OSBPL10: variants seen among roughly 807,000 people sequenced by gnomAD.
The protein encoded by OSBPL10 is oxysterol binding protein like 10.
In OSBPL10, 49 loss-of-function variants were observed where a neutral mutation model predicts 81.7. The ratio of observed to expected loss-of-function variants is 0.60; its 90% confidence interval spans 0.48 to 0.76. OSBPL10 has a LOEUF of 0.76. OSBPL10 is among the 30% of genes least tolerant of loss of function. The pLI is 0.00. For missense variants in OSBPL10, 923 were observed against 987.8 expected, an observed-to-expected ratio of 0.93 and a Z score of 0.88; for synonymous variants, 419 against 383.6, an observed-to-expected ratio of 1.09 and a Z score of -1.08.
intron 6 of OSBPL10, among the ~76,000 whole-genome samples, chr3:31,731,518 T>C (rs1696971786): frequency 1.3e-5 from 2 of 151,426 alleles, no homozygotes; most frequent in South Asian, 4.2e-4. Flanking sequence ...AGATGGTGTC[T>C]CGTTCTGTTG....
intron 1 of OSBPL10, among the ~76,000 whole-genome samples, chr3:32,056,005 G>C (rs986414944): frequency 1.3e-5 from 2 of 152,150 alleles, no homozygotes; most frequent in African/African-American, 4.8e-5. Flanking sequence ...ATTAAAAAGA[G>C]CCTATGTGAC....
intron 7 of OSBPL10, among the ~76,000 whole-genome samples, chr3:31,687,112 C>T (rs1700812456): frequency 6.6e-6 from 1 of 152,190 alleles, no homozygotes; most frequent in Non-Finnish European, 1.5e-5. Flanking sequence ...CCAAGTGACT[C>T]CGTCTCCTGC....
At chr3:32,030,983 T>C (rs1003783049) in intron 2 of OSBPL10, among the ~76,000 whole-genome samples, 2 of 152,098 alleles carry the variant, frequency 1.3e-5, no homozygotes, top group East Asian at 3.9e-4. Flanking sequence ...CTGCCTAACA[T>C]GGTAAAACCT....
intron 1 of OSBPL10, among the ~76,000 whole-genome samples, chr3:31,961,477 T>C (rs905342065): frequency 6.6e-6 from 1 of 152,194 alleles, no homozygotes; most frequent in African/African-American, 2.4e-5. Context: ...AACTCTATAT[T>C]TCCAATTTTG....
intron 6 of OSBPL10, among the ~76,000 whole-genome samples, chr3:31,705,487 T>A (rs1696034890): frequency 6.6e-6 from 1 of 150,992 alleles, no homozygotes; most frequent in Non-Finnish European, 1.5e-5. Flanking sequence ...AATACCAATC[T>A]ACTGGCAACC....
chr3:31,984,840 C>T (rs983600747), upstream of OSBPL10, among the ~76,000 whole-genome samples: 1 of 152,136 alleles, frequency 6.6e-6, no homozygotes, highest in Admixed American at 6.5e-5. Context: ...GGCCTGTGCC[C>T]GGGAATGAAC....
chr3:31,840,891 C>CTTG (rs201810752), intron 3 of OSBPL10, among the ~76,000 whole-genome samples: 5,360 of 152,168 alleles, frequency 0.035, 116 homozygotes, highest in Non-Finnish European at 0.051. Flanking sequence ...AGTTAGGCTT[C>CTTG]TTGTTGTTGT....
intron 6 of OSBPL10, among the ~76,000 whole-genome samples, chr3:31,708,018 A>G (rs1449970961): frequency 1.6e-4 from 25 of 152,200 alleles, no homozygotes; most frequent in Admixed American, 1.6e-3. Flanking sequence ...CAGAAGAGAA[A>G]CAAAGGGGTC....
At chr3:31,827,861 A>ACAAAAG (rs969799180) in intron 4 of OSBPL10, among the ~76,000 whole-genome samples, 52 of 152,192 alleles carry the variant, frequency 3.4e-4, no homozygotes, top group African/African-American at 1.3e-3. Flanking sequence ...ACACCCATAC[A>ACAAAAG]CAAAAGCCAT....
intron 3 of OSBPL10, among the ~76,000 whole-genome samples, chr3:31,852,376 A>T (rs1036863955): frequency 7.9e-5 from 12 of 152,172 alleles, no homozygotes; most frequent in Non-Finnish European, 1.5e-5. Flanking sequence ...TACAATGCTC[A>T]TGACAACCGC....
chr3:31,963,049 T>C (rs927041944), intron 1 of OSBPL10, among the ~76,000 whole-genome samples: 4 of 152,206 alleles, frequency 2.6e-5, no homozygotes, highest in African/African-American at 9.6e-5. Context: ...TTTTTTTAAA[T>C]GTGTACTTTG....
intron 4 of OSBPL10, chr3:31,795,133 CCTT>C (rs1699161187): frequency 8.0e-6 from 1 of 125,602 alleles, no homozygotes; most frequent in South Asian, 2.7e-4. Flanking sequence ...ATTCATAAAA[CCTT>C]TTTTTTTTTT....
intron 3 of OSBPL10, among the ~76,000 whole-genome samples, chr3:31,851,793 T>C (rs952601918): frequency 4.6e-5 from 7 of 152,156 alleles, no homozygotes; most frequent in African/African-American, 1.7e-4. Flanking sequence ...CTCCATCCCG[T>C]GACTGAGTCC....
intron 2 of OSBPL10, among the ~76,000 whole-genome samples, chr3:32,007,160 G>A (rs1174405345): frequency 6.6e-6 from 1 of 151,950 alleles, no homozygotes; most frequent in Admixed American, 6.6e-5. Flanking sequence ...TTCTCTTTAG[G>A]CATGATGAAA....
At chr3:31,689,318 G>A (rs1401872739) in intron 7 of OSBPL10, among the ~76,000 whole-genome samples, 6 of 152,060 alleles carry the variant, frequency 3.9e-5, no homozygotes, top group Admixed American at 6.5e-5. Flanking sequence ...TTAAAAAATG[G>A]CCATAAAGGA....
intron 1 of OSBPL10, among the ~76,000 whole-genome samples, chr3:31,951,185 T>C (rs1697859372): frequency 6.6e-6 from 1 of 151,458 alleles, no homozygotes. Context: ...TGTGACATAG[T>C]CACACAAAGA....
intron 1 of OSBPL10, among the ~76,000 whole-genome samples, chr3:31,938,997 C>T (rs1425578740): frequency 6.6e-6 from 1 of 152,092 alleles, no homozygotes; most frequent in African/African-American, 2.4e-5. Flanking sequence ...GATAAATGTC[C>T]TTCCTCCTGC....
At chr3:31,700,849 G>A (rs1184760136) in intron 7 of OSBPL10, among the ~76,000 whole-genome samples, 1 of 152,186 alleles carries the variant, frequency 6.6e-6, no homozygotes, top group Non-Finnish European at 1.5e-5. Context: ...TATCCAGCTA[G>A]GGGACTGAGA....
intron 1 of OSBPL10, among the ~76,000 whole-genome samples, chr3:31,910,159 T>G (rs912535748): frequency 6.6e-6 from 1 of 151,948 alleles, no homozygotes; most frequent in African/African-American, 2.4e-5. Context: ...TTTTGTATTT[T>G]TAGTAGAGAC....
Sources: gnomAD v4.1 joint callset for allele counts (sites outside exome capture counted in the v4.1 genomes callset) on GRCh38, gnomAD v4.1.1 for gene constraint, MANE v1.5 for transcripts, NCBI Gene and HGNC (gene_info 2026-07-23, HGNC 2026-07-21) for gene names.